DEPDC5: variants seen among roughly 807,000 people sequenced by gnomAD.
The protein encoded by DEPDC5 is DEP domain containing 5, GATOR1 subcomplex subunit, also known as GATOR1 complex protein DEPDC5.
A neutral mutation model predicts 217.3 loss-of-function variants in DEPDC5; 73 were observed. That is an observed-to-expected ratio of 0.34 (90% CI 0.28 to 0.41). The LOEUF is 0.41. Ranked by LOEUF, DEPDC5 falls within the 10% of genes least tolerant of loss-of-function variation. The pLI, the probability that DEPDC5 is intolerant of heterozygous loss-of-function variation, is 1.00. For missense variants in DEPDC5, 1,675 were observed against 2,070.1 expected (o/e 0.81, Z 3.70); for synonymous variants, 733 against 756.7 (o/e 0.97, Z 0.51).
chr22:31,897,502 A>G lies in DEPDC5; in HGVS notation c.4224A>G (p.Lys1408=). The G allele has an allele frequency of 6.2e-7, 1 of 1,612,980 alleles. No homozygotes were observed. Among genetic ancestry groups the G allele is most frequent in the Non-Finnish European group, 8.5e-7 (1 of 1,179,282 alleles). The change falls in exon 40 of 43, where the codon AAA becomes AAG. Residue 1408 remains lysine, a synonymous_variant. Transcript: ENST00000651528. ...LFEMVQGWHR[K]ATSCGFLLVP... ...GCCAGGTCCAAGGTTGGCATCGGAA[A>G]GCCACCTCCTGTGGCTTCTTGTTAG...
Position 31,760,713 on chromosome 22 carries a change from T to C in DEPDC5, c.193+11T>C, listed in dbSNP as rs761254536. 3.1e-6 allele frequency: 5 copies of C among 1,599,838 alleles called. No individual in the cohort carries two copies. The highest frequency in any genetic ancestry group is 1.1e-5 in the South Asian group (1 of 88,452). ...AAGATTTACAGAAGGGTAAGAATTA[T>C]ATCACTCTTCTTAGAATTTTTTATT... On this transcript the variant is annotated intron_variant, in intron 4 of 42. Transcript: ENST00000651528.
At chr22:31,877,983 C>G (rs775680852) in intron 37 of DEPDC5, among the ~76,000 whole-genome samples, 1 of 151,526 alleles carries the variant, frequency 6.6e-6, no homozygotes, top group African/African-American at 2.4e-5. Flanking sequence ...GTCAAGAGAT[C>G]GAGACCATCC....
At chr22:31,876,753 CTTTT>C (rs1290087784) in intron 37 of DEPDC5, among the ~76,000 whole-genome samples, 2 of 151,874 alleles carry the variant, frequency 1.3e-5, no homozygotes, top group African/African-American at 4.8e-5. Flanking sequence ...GGTTTTTTTT[CTTTT>C]GTTTGGTTTT....
chr22:31,885,119 C>A (rs751651089), intron 38 of DEPDC5, among the ~76,000 whole-genome samples: 1 of 152,196 alleles, frequency 6.6e-6, no homozygotes, highest in Non-Finnish European at 1.5e-5. Context: ...TCCAGAGAGA[C>A]CTCTTCAAAT....
chr22:31,771,074 G>A (rs1260485662), intron 7 of DEPDC5, among the ~76,000 whole-genome samples: 1 of 152,018 alleles, frequency 6.6e-6, no homozygotes, highest in Non-Finnish European at 1.5e-5. Flanking sequence ...TTGAGCCACC[G>A]CACGCGGCCC....
intron 31 of DEPDC5, among the ~76,000 whole-genome samples, chr22:31,856,609 C>T (rs2092314607): frequency 6.6e-6 from 1 of 151,932 alleles, no homozygotes; most frequent in African/African-American, 2.4e-5. Context: ...GGTGAGATGT[C>T]GTAAGGATAC....
Position 31,822,721 on chromosome 22 carries a change from G to A in DEPDC5, c.2035G>A (p.Gly679Ser), listed in dbSNP as rs748634683. Residue 679 changes from glycine to serine, a missense_variant, in exon 24 of 43, where the codon GGC (glycine) becomes AGC (serine). This residue lies in a region of DEPDC5 where 136 missense variants were observed against 132.2 expected (regional missense o/e 1.03). Transcript: ENST00000651528. ...RHSNSRQPGD[G>S]MSFLNFSGTE... Reference sequence around the variant, plus strand: ...CAGCAATTCCCGCCAGCCTGGTGACGGCATGTCCTTCTTGAACTTCAGTGG... The same window carrying A: ...CAGCAATTCCCGCCAGCCTGGTGACAGCATGTCCTTCTTGAACTTCAGTGG... 79 of 1,613,988 alleles carry A rather than the reference G, an allele frequency of 4.9e-5. No homozygotes were observed. In the Admixed American group the frequency reaches 9.2e-4, roughly 19 times the overall value.
chr22:31,866,798 G>A (rs963063232), intron 33 of DEPDC5, among the ~76,000 whole-genome samples: 2 of 152,068 alleles, frequency 1.3e-5, no homozygotes, highest in African/African-American at 2.4e-5. Context: ...TTAGACTGGA[G>A]TTACAGATAC....
At chr22:31,802,599 A>G (rs1325319064) in intron 14 of DEPDC5, 105 bp from the exon 15 acceptor site, 1 of 1,328,274 alleles carries the variant, frequency 7.5e-7, no homozygotes, top group Non-Finnish European at 1.0e-6. Context: ...AGTTGCTATA[A>G]TAAAAATATG....
At chr22:31,795,568 A>G (rs2086148868) in intron 12 of DEPDC5, among the ~76,000 whole-genome samples, 1 of 149,808 alleles carries the variant, frequency 6.7e-6, no homozygotes, top group South Asian at 2.1e-4. Flanking sequence ...TAATTTTTGT[A>G]TTTTTAGTAG....
chr22:31,783,129 A>ACTCTGTAAAATGGAACAATCAGCG (rs2084624250), intron 8 of DEPDC5, among the ~76,000 whole-genome samples: 1 of 152,134 alleles, frequency 6.6e-6, no homozygotes, highest in Non-Finnish European at 1.5e-5. Flanking sequence ...ACCAATCAGC[A>ACTCTGTAAAATGGAACAATCAGCG]CTCTGTAAAA....
chr22:31,767,890 C>T (rs967310058), intron 6 of DEPDC5, among the ~76,000 whole-genome samples: 5 of 151,552 alleles, frequency 3.3e-5, no homozygotes, highest in Admixed American at 1.3e-4. Context: ...GGATTACAGG[C>T]GCCCGCCACC....
chr22:31,879,930 G>A, intron 38 of DEPDC5, 178 bp downstream of exon 38: 1 of 631,798 alleles, frequency 1.6e-6, no homozygotes, highest in Non-Finnish European at 2.8e-6. Flanking sequence ...TTGCCGAGTG[G>A]TTTTATGACT....
chr22:31,815,971 A>G lies in DEPDC5; in HGVS notation c.1666+759A>G, dbSNP rs1041998086. On this transcript the variant is annotated intron_variant, in intron 21 of 42. Transcript: ENST00000651528. ...CTTATGATTTCCATTTGTGCCATAT[A>G]TAAAACAACCTCTGTCTTAATGTTG... 5 of 990,212 alleles carry G rather than the reference A, an allele frequency of 5.0e-6. No individual in the cohort carries two copies. In the South Asian group the frequency reaches 2.3e-4, roughly 46 times the overall value. The allele number at this position is 990,212 out of a possible 1,614,324, so 61.3% of individuals were successfully genotyped here.
intron 18 of DEPDC5, 121 bp from the exon 19 acceptor site, chr22:31,809,490 C>A: frequency 9.6e-7 from 1 of 1,044,396 alleles, no homozygotes; most frequent in Non-Finnish European, 1.5e-6. Flanking sequence ...CAGATGTTAG[C>A]TCCTGCCTTT....
chr22:31,886,933 A>C lies in DEPDC5; in HGVS notation c.4034-6649A>C, dbSNP rs57743450. The stretch of plus-strand genomic sequence containing the variant: ...AAGATCTCTACTAAAGATACAAAAA[A>C]TTAGCATGGCGTGGTGGCGTGTGCC... On this transcript the variant is annotated intron_variant, in intron 38 of 42. Transcript: ENST00000651528. Among the ~76,000 whole-genome samples, 1,122 of 151,034 alleles carry C rather than the reference A, an allele frequency of 7.4e-3. 14 individuals carry two copies. Among genetic ancestry groups the C allele is most frequent in the African/African-American group, 0.025 (1,020 of 41,082 alleles).
chr22:31,888,556 G>A (rs2093368849), intron 38 of DEPDC5, among the ~76,000 whole-genome samples: 1 of 147,222 alleles, frequency 6.8e-6, no homozygotes, highest in Non-Finnish European at 1.5e-5. Context: ...CCGGCTCTTT[G>A]TTTGTGTTTT....
intron 18 of DEPDC5, 66 bp from the exon 19 acceptor site, chr22:31,809,545 T>C: frequency 6.4e-7 from 1 of 1,571,028 alleles, no homozygotes; most frequent in Non-Finnish European, 8.8e-7. Flanking sequence ...ACATATATAC[T>C]GTGCCTTGTG....
intron 24 of DEPDC5, among the ~76,000 whole-genome samples, chr22:31,829,008 A>T (rs996682175): frequency 6.6e-6 from 1 of 152,212 alleles, no homozygotes; most frequent in East Asian, 1.9e-4. Context: ...GATGAAAACA[A>T]CCAGGATCAG....
Sources: allele counts gnomAD v4.1 joint callset (sites outside exome capture counted in the v4.1 genomes callset), GRCh38; gene constraint gnomAD v4.1.1; regional missense constraint gnomAD v4.1.1; transcripts MANE v1.5; gene names NCBI Gene and HGNC (gene_info 2026-07-23, HGNC 2026-07-21).